ADCY2: variants seen among roughly 807,000 people sequenced by gnomAD.
ADCY2 encodes the protein adenylate cyclase type 2.
ADCY2 carries 31 observed loss-of-function variants against 125.2 expected under a neutral mutation model. The observed-to-expected ratio is 0.25, with a 90% CI of 0.19 to 0.33. The LOEUF (loss-of-function observed/expected upper bound fraction) is 0.33. ADCY2 is among the 10% of genes least tolerant of loss of function. The probability of loss-of-function intolerance (pLI) is 1.00; values close to 1 mark genes in which losing one functional copy is unlikely to be tolerated. For synonymous variants in ADCY2, 512 were observed against 548.4 expected (o/e 0.93, Z 0.93); for missense variants, 904 against 1,418.2 (o/e 0.64, Z 5.82).
chr5:7,420,083 C>T (rs1287748815), intron 2 of ADCY2, among the ~76,000 whole-genome samples: 1 of 152,152 alleles, frequency 6.6e-6, no homozygotes, highest in East Asian at 1.9e-4. Flanking sequence ...GTGATTGTGT[C>T]AGGAAACATC....
rs1744711162 is a variant in ADCY2, at chr5:7,804,954, G to A, written c.2883+262G>A. On this transcript the variant is annotated intron_variant, in intron 22 of 24. Transcript: ENST00000338316. ...TGTTACCAGATAAATACACAATGAA[G>A]TAGAAGATGAAAGCTAGTTATTTGA... Among the ~76,000 whole-genome samples, 4 of 152,108 alleles carry A rather than the reference G, an allele frequency of 2.6e-5. No individual in the cohort carries two copies. In the South Asian group the frequency reaches 6.2e-4, roughly 24 times the overall value.
chr5:7,439,529 TACACACAC>T lies in ADCY2; in HGVS notation c.408+24785_408+24792del, dbSNP rs66460653. Reference sequence around the variant, plus strand: ...GAGACATAGCCAAATTGGGTTAAGATACACACACACACACACACACACACACACACACA... The same window carrying T: ...GAGACATAGCCAAATTGGGTTAAGATACACACACACACACACACACACACA... On this transcript the variant is annotated intron_variant, in intron 2 of 24. Transcript: ENST00000338316. 3.0e-3 allele frequency among the ~76,000 whole-genome samples: 442 copies of T among 148,000 alleles called. 2 individuals carry two copies. Among genetic ancestry groups the T allele is most frequent in the African/African-American group, 5.3e-3 (213 of 40,388 alleles).
At chr5:7,693,623 A>G (rs966548281) in intron 5 of ADCY2, among the ~76,000 whole-genome samples, 2 of 151,964 alleles carry the variant, frequency 1.3e-5, no homozygotes, top group African/African-American at 4.8e-5. Context: ...GGGGTTCGCC[A>G]TGTTGGCCAG....
chr5:7,511,191 A>G (rs1744043181), intron 2 of ADCY2, among the ~76,000 whole-genome samples: 1 of 152,192 alleles, frequency 6.6e-6, no homozygotes. Flanking sequence ...GAGCCTGCAT[A>G]TATATGGGGG....
chr5:7,401,184 A>T (rs1267254894), intron 1 of ADCY2, among the ~76,000 whole-genome samples: 1 of 152,224 alleles, frequency 6.6e-6, no homozygotes, highest in African/African-American at 2.4e-5. Context: ...GCCTGGCATA[A>T]AGTAAGCCTC....
intron 3 of ADCY2, among the ~76,000 whole-genome samples, chr5:7,526,528 C>T (rs1734468713): frequency 6.6e-6 from 1 of 151,978 alleles, no homozygotes; most frequent in South Asian, 2.1e-4. Context: ...CCTTAAGTAC[C>T]CTGATTTAAT....
chr5:7,710,575 G>T (rs187133017), intron 10 of ADCY2, among the ~76,000 whole-genome samples: 1 of 152,166 alleles, frequency 6.6e-6, no homozygotes, highest in African/African-American at 2.4e-5. Flanking sequence ...AGTCAGTGGC[G>T]CAAAGATGAA....
intron 8 of ADCY2, 23 bp downstream of exon 8, chr5:7,706,925 T>C: frequency 6.2e-7 from 1 of 1,613,278 alleles, no homozygotes; most frequent in Non-Finnish European, 8.5e-7. Context: ...ATTGGATTTC[T>C]TTCTTCAAGC....
intron 3 of ADCY2, among the ~76,000 whole-genome samples, chr5:7,609,296 T>C (rs545225142): frequency 2.0e-5 from 3 of 152,210 alleles, no homozygotes; most frequent in Non-Finnish European, 4.4e-5. Context: ...GAAAAGTAGA[T>C]TGAATTGATT....
chr5:7,792,832 A>G (rs1579442243), intron 20 of ADCY2, among the ~76,000 whole-genome samples: 2 of 152,214 alleles, frequency 1.3e-5, no homozygotes, highest in South Asian at 2.1e-4. Flanking sequence ...TCCATAAAAG[A>G]AGAAGCATGG....
At chr5:7,507,358 G>A (rs1471837448) in intron 2 of ADCY2, among the ~76,000 whole-genome samples, 3 of 134,398 alleles carry the variant, frequency 2.2e-5, no homozygotes, top group Admixed American at 7.2e-5. Flanking sequence ...GGAGAATGGC[G>A]TGAACCCGGG....
At chr5:7,717,134 A>G in intron 11 of ADCY2, 23 bp from the exon 12 acceptor site, 1 of 1,510,808 alleles carries the variant, frequency 6.6e-7, no homozygotes, top group Non-Finnish European at 9.2e-7. Context: ...ATCCTTACCC[A>G]TAATATTCCA....
At chr5:7,516,833 C>A (rs137985366) in intron 2 of ADCY2, among the ~76,000 whole-genome samples, 1 of 151,986 alleles carries the variant, frequency 6.6e-6, no homozygotes, top group East Asian at 1.9e-4. Flanking sequence ...CAAACAGAAA[C>A]GCCAGTAACC....
At chr5:7,594,209 C>T (rs910321948) in intron 3 of ADCY2, among the ~76,000 whole-genome samples, 1 of 152,030 alleles carries the variant, frequency 6.6e-6, no homozygotes, top group Non-Finnish European at 1.5e-5. Flanking sequence ...GTTTAGAGGC[C>T]ACTGCAAATC....
chr5:7,663,743 T>C (rs1382634999), intron 4 of ADCY2, among the ~76,000 whole-genome samples: 2 of 152,176 alleles, frequency 1.3e-5, no homozygotes, highest in African/African-American at 2.4e-5. Context: ...GTCAGGCCGA[T>C]AGGCTTGGGG....
intron 2 of ADCY2, among the ~76,000 whole-genome samples, chr5:7,486,487 A>C (rs1742932422): frequency 6.6e-6 from 1 of 152,212 alleles, no homozygotes; most frequent in Admixed American, 6.5e-5. Flanking sequence ...TGAGAGTTTC[A>C]GACAGTGTTT....
chr5:7,666,674 T>C (rs1739768611), intron 4 of ADCY2, among the ~76,000 whole-genome samples: 1 of 152,162 alleles, frequency 6.6e-6, no homozygotes, highest in Non-Finnish European at 1.5e-5. Context: ...TCAGCCCCCA[T>C]TATCTGGTTC....
chr5:7,716,683 A>G (rs988595189), intron 11 of ADCY2, among the ~76,000 whole-genome samples: 16 of 152,246 alleles, frequency 1.1e-4, no homozygotes, highest in African/African-American at 3.1e-4. Context: ...TTGACATCAT[A>G]GAAAAATAGG....
At chr5:7,711,322 C>T (rs1741433814) in intron 10 of ADCY2, among the ~76,000 whole-genome samples, 1 of 152,208 alleles carries the variant, frequency 6.6e-6, no homozygotes, top group African/African-American at 2.4e-5. Flanking sequence ...ATGTTTCTGT[C>T]ACTCATGAAA....
Sources: gnomAD v4.1 joint callset for allele counts (sites outside exome capture counted in the v4.1 genomes callset) on GRCh38, gnomAD v4.1.1 for gene constraint, MANE v1.5 for transcripts, NCBI Gene and HGNC (gene_info 2026-07-23, HGNC 2026-07-21) for gene names.